The following UTS2B variants were observed in gnomAD, a reference collection of about 807,000 sequenced individuals.
UTS2B encodes the protein urotensin-2B.
UTS2B carries 21 observed loss-of-function variants against 19.2 expected under a neutral mutation model. The ratio of observed to expected loss-of-function variants is 1.09; its 90% CI spans 0.78 to 1.58. The LOEUF is 1.58. UTS2B is among the 40% of genes most tolerant of loss of function. The pLI is 0.00. For missense variants in UTS2B, 138 were observed against 130.3 expected, an observed-to-expected ratio of 1.06 and a Z score of -0.29; for synonymous variants, 57 against 50.2, an observed-to-expected ratio of 1.14 and a Z score of -0.58.
intron 3 of UTS2B, among the ~76,000 whole-genome samples, chr3:191,310,367 A>T (rs1425629342): frequency 6.6e-6 from 1 of 152,162 alleles, no homozygotes; most frequent in African/African-American, 2.4e-5. Context: ...ACAGGCCAGA[A>T]TAACAAAGAT....
In UTS2B at chr3:191,315,449, C is replaced by A. The variant is rs145734513; in HGVS notation, c.-182+587G>T. ...GTGAAGGGCAGTCTTGGATACTGAG[C>A]CCTAAGCTGCTGGATCTGATACCAC... On this transcript the variant is annotated intron_variant, in intron 3 of 8. Coordinates refer to ENST00000340524, the MANE Select transcript of UTS2B (RefSeq NM_198152.5). Among the ~76,000 whole-genome samples, 5 of 152,320 alleles carry A rather than the reference C, an allele frequency of 3.3e-5. No individual in the cohort carries two copies. The East Asian group carries it at 9.6e-4, about 29-fold the overall frequency.
At chr3:191,296,073 A>G (rs955535242) in intron 4 of UTS2B, among the ~76,000 whole-genome samples, 1 of 152,190 alleles carries the variant, frequency 6.6e-6, no homozygotes, top group African/African-American at 2.4e-5. Context: ...GCGAGTCATA[A>G]CATGATCTAG....
chr3:191,280,914 A>C (rs1358553638), intron 5 of UTS2B, among the ~76,000 whole-genome samples: 1 of 152,190 alleles, frequency 6.6e-6, no homozygotes, highest in Non-Finnish European at 1.5e-5. Flanking sequence ...CAAAGATAAA[A>C]TGTGAGTGTC....
intron 3 of UTS2B, among the ~76,000 whole-genome samples, chr3:191,310,207 C>G (rs920435167): frequency 6.6e-6 from 1 of 151,950 alleles, no homozygotes; most frequent in African/African-American, 2.4e-5. Context: ...CTCATGTGAT[C>G]CCCCCGCCTC....
At chr3:191,341,633 A>G in the UTS2B span, among the ~76,000 whole-genome samples, 1 of 152,180 alleles carries the variant, frequency 6.6e-6, no homozygotes, top group Non-Finnish European at 1.5e-5. Context: ...TCAGAGTGCT[A>G]GCTGTTTTCA....
At position 191,268,177 on chromosome 3, in the gene UTS2B, A is replaced by C. The variant is rs1159165006; in HGVS notation, c.*239T>G. On this transcript the variant is annotated 3_prime_UTR_variant, in exon 9 of 9. Transcript: ENST00000340524. ...ATCTTGGTGATATGAAACCTCCCTG[A>C]CTGCACGTCCATTCATAGGCTCTCT... The C allele has an allele frequency of 3.1e-6, 1 of 317,938 alleles. No homozygotes were observed. The highest frequency in any genetic ancestry group is 5.2e-5 in the Admixed American group (1 of 19,158). The allele number at this position is 317,938 out of a possible 1,614,324, so 19.7% of individuals were successfully genotyped here. A position where few individuals can be genotyped will look rare whatever the true frequency, so the allele number is the denominator to read the frequency against.
chr3:191,318,006 T>C (rs1717513908), intron 2 of UTS2B, among the ~76,000 whole-genome samples: 2 of 152,192 alleles, frequency 1.3e-5, no homozygotes, highest in Admixed American at 1.3e-4. Flanking sequence ...CTGCATTTTA[T>C]TGGTTAATTA....
intron 2 of UTS2B, among the ~76,000 whole-genome samples, chr3:191,319,405 A>G (rs948165328): frequency 7.9e-5 from 12 of 152,220 alleles, no homozygotes; most frequent in Admixed American, 6.5e-4. Context: ...TGGCTCGTAA[A>G]CAAAAATTAG....
intron 2 of UTS2B, among the ~76,000 whole-genome samples, chr3:191,318,694 C>G (rs1374452507): frequency 6.6e-6 from 1 of 152,204 alleles, no homozygotes; most frequent in African/African-American, 2.4e-5. Context: ...TGGTCTGGAA[C>G]TCCTGAGTTC....
Position 191,278,112 on chromosome 3 carries a change from T to C in UTS2B, c.162A>G (p.Leu54=). 1 of 1,572,618 alleles carries C rather than the reference T, an allele frequency of 6.4e-7. No individual in the cohort carries two copies. Among genetic ancestry groups the C allele is most frequent in the South Asian group, 1.2e-5 (1 of 83,556 alleles). Residue 54 remains leucine, a synonymous_variant, in exon 6 of 9, where the codon CTA becomes CTG. Transcript: ENST00000340524. ...YTNREELLLA[L]LNKNFDFQRP... is the part of the protein sequence containing the mutation. ...TTTGGAAATCAAAATTTTTATTCAG[T>C]AGAGCCAGCAATAGTTCCTCACGAT...
At chr3:191,344,076 G>C in the UTS2B span, among the ~76,000 whole-genome samples, 2 of 152,224 alleles carry the variant, frequency 1.3e-5, no homozygotes, top group Non-Finnish European at 2.9e-5. Flanking sequence ...GCTGACACAA[G>C]ACCAGTAATA....
chr3:191,328,592 G>A (rs898266872), intron 2 of UTS2B, 39 bp downstream of exon 2: 2 of 152,268 alleles, frequency 1.3e-5, no homozygotes, highest in Non-Finnish European at 2.9e-5. Context: ...GGGTAGTCTC[G>A]AGGTTCAGAC....
intron 8 of UTS2B, among the ~76,000 whole-genome samples, chr3:191,270,102 G>GT (rs1431702767): frequency 6.6e-6 from 1 of 151,980 alleles, no homozygotes; most frequent in Non-Finnish European, 1.5e-5. Flanking sequence ...CACAGTAAGC[G>GT]TAAGTTTTTA....
rs1027542674 is a variant in UTS2B at position 191,311,756 on chromosome 3, T to C, written c.-182+4280A>G. On this transcript the variant is annotated intron_variant, in intron 3 of 8. Coordinates refer to ENST00000340524, the MANE Select transcript of UTS2B (RefSeq NM_198152.5). ...GAGACAGTATCCTTTAGGCGTTAGG[T>C]GATATTTCTCAGCTGTGGCATAGTA... is the stretch of plus-strand genomic sequence containing the variant. Among the ~76,000 whole-genome samples the C allele has an allele frequency of 5.9e-5, 9 of 152,330 alleles. No individual in the cohort carries two copies. In the East Asian group the frequency reaches 1.7e-3, roughly 29 times the overall value.
the UTS2B span, among the ~76,000 whole-genome samples, chr3:191,344,934 T>C: frequency 6.6e-6 from 1 of 152,162 alleles, no homozygotes; most frequent in East Asian, 1.9e-4. Context: ...GGAATGCACA[T>C]CCTCAAATCC....
chr3:191,321,789 G>A (rs1444021586), intron 2 of UTS2B, among the ~76,000 whole-genome samples: 1 of 152,210 alleles, frequency 6.6e-6, no homozygotes, highest in African/African-American at 2.4e-5. Flanking sequence ...CACTTTGGGA[G>A]GCCAAGGTGG....
intron 4 of UTS2B, among the ~76,000 whole-genome samples, chr3:191,289,326 G>A (rs1033893438): frequency 9.2e-5 from 14 of 151,546 alleles, no homozygotes; most frequent in Non-Finnish European, 1.3e-4. Flanking sequence ...GGAGAATGGC[G>A]TAAACCTGGG....
the UTS2B span, among the ~76,000 whole-genome samples, chr3:191,345,476 G>T: frequency 6.6e-6 from 1 of 151,982 alleles, no homozygotes; most frequent in Non-Finnish European, 1.5e-5. Flanking sequence ...CAGATCATTT[G>T]TGCTGTCAGA....
At chr3:191,300,173 C>A (rs954855890) in intron 4 of UTS2B, among the ~76,000 whole-genome samples, 2 of 152,144 alleles carry the variant, frequency 1.3e-5, no homozygotes, top group African/African-American at 4.8e-5. Flanking sequence ...GCTCAGCCTC[C>A]CGAGTGGCTG....
Sources: allele counts gnomAD v4.1 joint callset (sites outside exome capture counted in the v4.1 genomes callset), GRCh38; gene constraint gnomAD v4.1.1; transcripts MANE v1.5; gene names NCBI Gene and HGNC (gene_info 2026-07-23, HGNC 2026-07-21).